The following DYNC2LI1 variants were observed in gnomAD, a reference collection of about 807,000 sequenced individuals.
DYNC2LI1 encodes the protein cytoplasmic dynein 2 light intermediate chain 1.
DYNC2LI1 carries 45 observed loss-of-function variants against 51.9 expected under a neutral mutation model. The ratio of observed to expected loss-of-function variants is 0.87; its 90% CI spans 0.68 to 1.11. DYNC2LI1 has a LOEUF of 1.11. Ranked by LOEUF, DYNC2LI1 falls within the 50% of genes most tolerant of loss-of-function variation. The pLI is 0.00. For synonymous variants in DYNC2LI1, 130 were observed against 137.8 expected, an observed-to-expected ratio of 0.94 and a Z score of 0.40; for missense variants, 490 against 417.4, an observed-to-expected ratio of 1.17 and a Z score of -1.51.
At chr2:43,810,151 C>T, downstream of DYNC2LI1, 1 of 353,788 alleles carries the variant, frequency 2.8e-6, no homozygotes, top group East Asian at 1.6e-4. Context: ...TTCTAAAAGG[C>T]ATTCTCAGCT....
At position 43,796,574 on chromosome 2, in the gene DYNC2LI1, A is replaced by T. The variant is rs1471272020; in HGVS notation, c.577-144A>T. ...TGCAGCTATTGTTCAACTCTCTATG[A>T]AATAAATATCAAGGTAATGGAATCC... is the stretch of plus-strand genomic sequence containing the variant. On this transcript the variant is annotated intron_variant, in intron 7 of 12. Coordinates refer to ENST00000260605, the MANE Select transcript of DYNC2LI1 (RefSeq NM_016008.4). 8.0e-6 allele frequency: 5 copies of T among 622,504 alleles called. No homozygotes were observed. In the East Asian group the frequency reaches 8.4e-5, roughly 10 times the overall value. The allele number at this position is 622,504 out of a possible 1,614,324, so 38.6% of individuals were successfully genotyped here. A position where few individuals can be genotyped will look rare whatever the true frequency, so the allele number is the denominator to read the frequency against.
chr2:43,806,698 T>A (rs982974255), intron 12 of DYNC2LI1, among the ~76,000 whole-genome samples: 4 of 152,204 alleles, frequency 2.6e-5, no homozygotes, highest in Admixed American at 1.3e-4. Context: ...TTCATATACA[T>A]CAGTATTATT....
chr2:43,810,456 G>T, downstream of DYNC2LI1: 1 of 985,366 alleles, frequency 1.0e-6, no homozygotes. Context: ...TTATTTCCAA[G>T]GTGGGATAGC....
chr2:43,823,860 G>A, the DYNC2LI1 span: 1 of 1,588,686 alleles, frequency 6.3e-7, no homozygotes, highest in Non-Finnish European at 8.6e-7. Flanking sequence ...TACAGCTGGA[G>A]AAGGGAGGTA....
At chr2:43,812,831 C>G (rs114868704), downstream of DYNC2LI1, 2,493 of 370,858 alleles carry the variant, frequency 6.7e-3, 16 homozygotes, top group Non-Finnish European at 8.8e-3. Flanking sequence ...AATAGTCACA[C>G]GAGTCTCCCA....
chr2:43,802,836 C>T (rs1313182432), intron 10 of DYNC2LI1, among the ~76,000 whole-genome samples: 1 of 151,868 alleles, frequency 6.6e-6, no homozygotes, highest in Non-Finnish European at 1.5e-5. Flanking sequence ...ATAAATAATC[C>T]AATTAGAAAG....
chr2:43,813,587 C>G (rs1666602526), downstream of DYNC2LI1, among the ~76,000 whole-genome samples: 1 of 149,794 alleles, frequency 6.7e-6, no homozygotes, highest in African/African-American at 2.5e-5. Context: ...AAGTTACTGA[C>G]ATTATCACTT....
intron 5 of DYNC2LI1, 129 bp from the exon 6 acceptor site, chr2:43,794,328 G>A: frequency 9.5e-7 from 1 of 1,052,464 alleles, no homozygotes; most frequent in Non-Finnish European, 1.3e-6. Flanking sequence ...GGGAGTCTTA[G>A]AATAATGCTA....
downstream of DYNC2LI1, chr2:43,810,264 C>T (rs556790992): frequency 2.8e-6 from 2 of 707,438 alleles, no homozygotes; most frequent in African/African-American, 1.9e-5. Flanking sequence ...ATTCCCAGGT[C>T]CCCACACCTA....
chr2:43,825,027 A>G, the DYNC2LI1 span: 5 of 1,613,408 alleles, frequency 3.1e-6, no homozygotes, highest in East Asian at 8.9e-5. Flanking sequence ...AGCTGACCAG[A>G]CAACAGACGT....
At position 43,800,894 on chromosome 2, in the gene DYNC2LI1, GTTGGCAT is replaced by G; in HGVS notation, c.717_723del (p.Phe239LeufsTer27). ...TAAAAATACGTGGAGTTATCAACCA[GTTGGCAT>G]TTGGCATTGACAAAAGGTACTGCTA... On this transcript the variant is annotated frameshift_variant, in exon 9 of 13. Transcript: ENST00000260605. LOFTEE classifies it high-confidence loss of function. 2 of 1,604,722 alleles carry G rather than the reference GTTGGCAT, an allele frequency of 1.2e-6. No individual in the cohort carries two copies. The highest frequency in any genetic ancestry group is 1.7e-6 in the Non-Finnish European group (2 of 1,174,916).
downstream of DYNC2LI1, among the ~76,000 whole-genome samples, chr2:43,814,121 C>T (rs890842843): frequency 2.0e-5 from 3 of 151,968 alleles, no homozygotes; most frequent in South Asian, 2.1e-4. Flanking sequence ...TAGCTATGTA[C>T]GATGTACATT....
At chr2:43,813,482 A>G (rs917741139), downstream of DYNC2LI1, among the ~76,000 whole-genome samples, 4 of 152,170 alleles carry the variant, frequency 2.6e-5, no homozygotes, top group African/African-American at 9.7e-5. Context: ...CTTTGGCTTC[A>G]TTTGAAGATG....
chr2:43,776,086 G>GTA (rs1673005658), intron 1 of DYNC2LI1, among the ~76,000 whole-genome samples: 1 of 151,716 alleles, frequency 6.6e-6, no homozygotes, highest in Admixed American at 6.6e-5. Context: ...TGCACAACGT[G>GTA]CAGGTTTGTT....
At chr2:43,822,413 T>C in the DYNC2LI1 span, 5 of 667,800 alleles carry the variant, frequency 7.5e-6, no homozygotes, top group Non-Finnish European at 3.7e-6. Flanking sequence ...TGCTGTCCTC[T>C]TCCCACCCTC....
the DYNC2LI1 span, chr2:43,825,092 T>C: frequency 6.4e-7 from 1 of 1,573,012 alleles, no homozygotes; most frequent in Non-Finnish European, 8.7e-7. Flanking sequence ...CTGGGAACAC[T>C]GATGCAGGGC....
chr2:43,799,603 A>T (rs536188270), intron 8 of DYNC2LI1, among the ~76,000 whole-genome samples: 1 of 152,202 alleles, frequency 6.6e-6, no homozygotes, highest in Non-Finnish European at 1.5e-5. Context: ...TTATTTGGGG[A>T]GATGAGTTTC....
At chr2:43,779,109 A>G (rs1673159650) in intron 2 of DYNC2LI1, among the ~76,000 whole-genome samples, 1 of 152,206 alleles carries the variant, frequency 6.6e-6, no homozygotes, top group South Asian at 2.1e-4. Flanking sequence ...AAATAAAACA[A>G]TTAGCCGGGT....
chr2:43,823,275 C>A, the DYNC2LI1 span, among the ~76,000 whole-genome samples: 1 of 139,932 alleles, frequency 7.1e-6, no homozygotes. Context: ...GGATTCCCCC[C>A]ACCCCACCCC....
Sources: allele counts gnomAD v4.1 joint callset (sites outside exome capture counted in the v4.1 genomes callset), GRCh38; gene constraint gnomAD v4.1.1; transcripts MANE v1.5; gene names NCBI Gene and HGNC (gene_info 2026-07-23, HGNC 2026-07-21).